The following LIG1 variants were observed in gnomAD, a reference collection of about 807,000 sequenced individuals.
LIG1 encodes the protein DNA ligase 1.
LIG1 carries 70 observed loss-of-function variants against 115.7 expected under a neutral mutation model. The observed-to-expected ratio is 0.60, with a 90% CI of 0.50 to 0.74. The LOEUF (loss-of-function observed/expected upper bound fraction) is 0.74. Ranked by LOEUF, LIG1 falls within the 30% of genes least tolerant of loss-of-function variation. LIG1 has a pLI of 0.00. For missense variants in LIG1, 1,115 were observed against 1,225.6 expected, an observed-to-expected ratio of 0.91 and a Z score of 1.35; for synonymous variants, 487 against 495.3, an observed-to-expected ratio of 0.98 and a Z score of 0.22.
intron 4 of LIG1, chr19:48,161,088 G>A (rs367846553): frequency 7.2e-5 from 35 of 488,520 alleles, no homozygotes; most frequent in Admixed American, 6.2e-4. Flanking sequence ...TATGTAAATC[G>A]ACTCATTTCA....
intron 1 of LIG1, among the ~76,000 whole-genome samples, chr19:48,168,672 G>A (rs977023759): frequency 6.6e-6 from 1 of 152,114 alleles, no homozygotes; most frequent in African/African-American, 2.4e-5. Flanking sequence ...CCTCATTACT[G>A]GAATACCATA....
At chr19:48,163,366 T>C (rs1429343329) in intron 2 of LIG1, among the ~76,000 whole-genome samples, 1 of 151,974 alleles carries the variant, frequency 6.6e-6, no homozygotes, top group Non-Finnish European at 1.5e-5. Context: ...AGATTACAGG[T>C]GGCCGCCACC....
chr19:48,165,627 GA>G lies in LIG1; in HGVS notation c.-57-5del, dbSNP rs767481842. The G allele has an allele frequency of 5.6e-6, 9 of 1,611,746 alleles. No homozygotes were observed. In the South Asian group the frequency reaches 6.6e-5, roughly 12 times the overall value. On this transcript the variant is annotated splice_polypyrimidine_tract_variant and splice_region_variant and intron_variant, in intron 1 of 27. Coordinates refer to ENST00000263274, the MANE Select transcript of LIG1 (RefSeq NM_000234.3). ...TTTCTTCGTCTGTCAGCTGCTCCTG[GA>G]ACAGAAATCCAAACACTTGTTGAGG...
At chr19:48,135,576 T>C (rs1311990120) in intron 16 of LIG1, 104 bp downstream of exon 16, 12 of 902,888 alleles carry the variant, frequency 1.3e-5, no homozygotes, top group Non-Finnish European at 2.2e-5. Flanking sequence ...TCGTGATGCC[T>C]GTCCGTCACT....
At chr19:48,156,982 G>A (rs768098688) in intron 5 of LIG1, 32 bp downstream of exon 5, 30 of 1,391,594 alleles carry the variant, frequency 2.2e-5, no homozygotes, top group African/African-American at 6.9e-5. Context: ...AAAGGCAGGC[G>A]ACTGAAGGGG....
rs190053895 is a variant in LIG1 at position 48,165,000 on chromosome 19, C to T, written c.17+550G>A. On this transcript the variant is annotated intron_variant, in intron 2 of 27. Coordinates refer to ENST00000263274, the MANE Select transcript of LIG1 (RefSeq NM_000234.3). ...CACTGGCCGGGCGCCGTGGCTCACG[C>T]CTGAAATCCCAGCACTCTGGGAGGC... 3.2e-3 allele frequency among the ~76,000 whole-genome samples: 481 copies of T among 152,336 alleles called. 3 individuals are homozygous for T. Among genetic ancestry groups the T allele is most frequent in the Admixed American group, 9.2e-3 (141 of 15,308 alleles).
At chr19:48,144,208 C>T (rs1432626840) in intron 9 of LIG1, among the ~76,000 whole-genome samples, 1 of 151,950 alleles carries the variant, frequency 6.6e-6, no homozygotes, top group Non-Finnish European at 1.5e-5. Context: ...AAAAGAAAGC[C>T]GAGTAGAGGA....
intron 6 of LIG1, among the ~76,000 whole-genome samples, chr19:48,151,934 CA>C (rs543577439): frequency 3.4e-4 from 52 of 151,380 alleles, no homozygotes; most frequent in Admixed American, 1.1e-3. Context: ...CTGTTATAGA[CA>C]AAAATAAAAA....
Position 48,118,119 on chromosome 19 carries a change from G to A in LIG1, c.2440-338C>T, listed in dbSNP as rs187399105. 9.9e-5 allele frequency among the ~76,000 whole-genome samples: 15 copies of A among 152,262 alleles called. No homozygotes were observed. The East Asian group carries it at 2.7e-3, about 27-fold the overall frequency. On this transcript the variant is annotated intron_variant, in intron 25 of 27. Coordinates refer to ENST00000263274, the MANE Select transcript of LIG1 (RefSeq NM_000234.3). ...AAAGACAAAAAGAGGCAGAGAAAGG[G>A]CCAGAGACCTGGAGGAAGGAGACAG... is the stretch of plus-strand genomic sequence containing the variant.
intron 1 of LIG1, 30 bp from the exon 2 acceptor site, chr19:48,165,653 G>T (rs763398688): frequency 1.9e-6 from 3 of 1,540,624 alleles, no homozygotes; most frequent in Admixed American, 3.3e-5. Context: ...ACTTGTTGAG[G>T]TGATTGGTTG....
rs771360895 is a variant in LIG1, at chr19:48,161,462, A to T, written c.153T>A (p.Ser51=). 3.7e-6 allele frequency: 6 copies of T among 1,614,070 alleles called. No homozygotes were observed. The highest frequency in any genetic ancestry group is 4.2e-6 in the Non-Finnish European group (5 of 1,180,016). Residue 51 remains serine (S), a synonymous_variant, in exon 4 of 28, where the codon TCT becomes TCA. Coordinates refer to ENST00000263274, the MANE Select transcript of LIG1 (RefSeq NM_000234.3). ...CCTTCCTCCCTGGCCTCTTCACCGG[A>T]GAGTCACTCTCGGACACCACTCCAT... The part of the protein sequence containing the change: ...EWNGVVSESD[S]PVKRPGRKAA...
At chr19:48,145,873 C>T (rs60477322) in intron 9 of LIG1, 23,627 of 152,244 alleles carry the variant, frequency 0.16, 2,150 homozygotes, top group African/African-American at 0.26. Flanking sequence ...GGCTAAGTCA[C>T]TTCCTCAAGG....
Position 48,143,559 on chromosome 19 carries a change from C to T in LIG1, c.898G>A (p.Glu300Lys). ...ATTAGTTACCGAGCAGACACCTCCT[C>T]GATCTTCTCAAACGTCCGGGCCACA... ...LAVARTFEKI[E>K]EVSARLRMVE... Residue 300 changes from glutamate (E) to lysine (K), a missense_variant, in exon 11 of 28, where the codon GAG (glutamate) becomes AAG (lysine). Physicochemically the swap from Glu to Lys is moderately conservative, Grantham distance 56 (BLOSUM62 1). Transcript: ENST00000263274. 6.9e-7 allele frequency: 1 copy of T among 1,457,484 alleles called. No homozygotes were observed. The highest frequency in any genetic ancestry group is 9.2e-7 in the Non-Finnish European group (1 of 1,081,922). The allele number at this position is 1,457,484 out of a possible 1,614,324, so 90.3% of individuals were successfully genotyped here. A position where few individuals can be genotyped will look rare whatever the true frequency, so the allele number is the denominator to read the frequency against.
intron 2 of LIG1, 134 bp downstream of exon 2, chr19:48,165,416 G>T: frequency 1.3e-6 from 1 of 773,712 alleles, no homozygotes. Flanking sequence ...CATACTACTT[G>T]ACTCCTGGAA....
rs1172264965 is a variant in LIG1, at chr19:48,157,006, G to A, written c.370+8C>T. On this transcript the variant is annotated splice_region_variant and intron_variant, in intron 5 of 27. Transcript: ENST00000263274. ...CGACTGAAGGGGCAGGGGCCCGTGT[G>A]TTCTCACCTGTGCGACGCTTCGGAA... 6.6e-7 allele frequency: 1 copy of A among 1,504,146 alleles called. No individual in the cohort carries two copies. Among genetic ancestry groups the A allele is most frequent in the South Asian group, 1.1e-5 (1 of 89,358 alleles). The allele number at this position is 1,504,146 out of a possible 1,614,324, so 93.2% of individuals were successfully genotyped here.
In LIG1 at chr19:48,127,896, G is replaced by T; in HGVS notation, c.1932+14C>A. The T allele has an allele frequency of 6.2e-7, 1 of 1,604,648 alleles. No individual in the cohort carries two copies. The highest frequency in any genetic ancestry group is 8.5e-7 in the Non-Finnish European group (1 of 1,171,614). ...GTACGGGGCCTTGGCAGGCAGTGGAGCGGGTGATGCTACCTTGCGTTTGCG... is the reference window on the plus strand; with the variant it reads ...GTACGGGGCCTTGGCAGGCAGTGGATCGGGTGATGCTACCTTGCGTTTGCG... On this transcript the variant is annotated intron_variant, in intron 20 of 27. Transcript: ENST00000263274.
intron 26 of LIG1, 92 bp downstream of exon 26, chr19:48,117,546 C>G (rs1163411911): frequency 1.1e-5 from 15 of 1,315,410 alleles, no homozygotes; most frequent in Middle Eastern, 2.6e-4. Context: ...CCTGGAAGAG[C>G]AGATGTGAGC....
rs996609338 is a variant in LIG1, at chr19:48,139,878, C to G, written c.1087+93G>C. 4.2e-6 allele frequency: 6 copies of G among 1,428,286 alleles called. No individual in the cohort carries two copies. In the East Asian group the frequency reaches 1.4e-4, roughly 32 times the overall value. 88.5% of individuals were successfully genotyped at this position (1,428,286 alleles called of 1,614,324 possible). On this transcript the variant is annotated intron_variant, in intron 12 of 27. Transcript: ENST00000263274. Reference sequence around the variant, plus strand: ...CTTCTCCTCAACCCTGTTTCACAGCCTCTCTCCACCATCTCTCCGATCCAC... The same window carrying G: ...CTTCTCCTCAACCCTGTTTCACAGCGTCTCTCCACCATCTCTCCGATCCAC...
chr19:48,129,693 G>A (rs895272525), intron 19 of LIG1, among the ~76,000 whole-genome samples: 2 of 152,222 alleles, frequency 1.3e-5, no homozygotes, highest in African/African-American at 2.4e-5. Flanking sequence ...TGCCTCTGGT[G>A]GATGCATGGT....
Sources: gnomAD v4.1 joint callset for allele counts (sites outside exome capture counted in the v4.1 genomes callset) on GRCh38, gnomAD v4.1.1 for gene constraint, MANE v1.5 for transcripts, NCBI Gene and HGNC (gene_info 2026-07-23, HGNC 2026-07-21) for gene names.